Variants in PEBP4 observed in about 807,000 individuals in gnomAD.
PEBP4 encodes the protein phosphatidylethanolamine-binding protein 4.
PEBP4 carries 22 observed loss-of-function variants against 23.9 expected under a neutral mutation model. The ratio of observed to expected loss-of-function variants is 0.92; its 90% CI spans 0.66 to 1.31. The LOEUF is 1.31. PEBP4 is among the 40% of genes most tolerant of loss of function. The pLI is 0.00. For missense variants in PEBP4, 324 were observed against 281.7 expected (o/e 1.15, Z -1.07); for synonymous variants, 112 against 99.3 (o/e 1.13, Z -0.76).
chr8:22,738,306 G>C (rs534274766), intron 4 of PEBP4, among the ~76,000 whole-genome samples: 1 of 152,090 alleles, frequency 6.6e-6, no homozygotes, highest in African/African-American at 2.4e-5. Flanking sequence ...AGGCGGGCTC[G>C]GCTCAGGAGA....
intron 4 of PEBP4, among the ~76,000 whole-genome samples, chr8:22,792,716 G>A (rs1415809246): frequency 6.6e-6 from 1 of 152,088 alleles, no homozygotes; most frequent in Non-Finnish European, 1.5e-5. Context: ...GAAGGACCCT[G>A]GCCCTGCCCA....
chr8:22,808,685 C>G (rs1191943283), intron 4 of PEBP4, among the ~76,000 whole-genome samples: 2 of 152,146 alleles, frequency 1.3e-5, no homozygotes, highest in Non-Finnish European at 2.9e-5. Flanking sequence ...AGGGTGCTCC[C>G]AATTCCCACA....
intron 3 of PEBP4, among the ~76,000 whole-genome samples, chr8:22,912,532 C>T (rs764084007): frequency 1.3e-5 from 2 of 152,186 alleles, no homozygotes; most frequent in Non-Finnish European, 2.9e-5. Context: ...AGCTGCCATC[C>T]GGGGCTGGTT....
intron 4 of PEBP4, among the ~76,000 whole-genome samples, chr8:22,785,313 C>G (rs1435352666): frequency 6.6e-6 from 1 of 152,178 alleles, no homozygotes; most frequent in African/African-American, 2.4e-5. Context: ...GCTGCTGTGT[C>G]CTCAGTTAAA....
chr8:22,773,093 A>C (rs1021068466), intron 4 of PEBP4, among the ~76,000 whole-genome samples: 1 of 138,682 alleles, frequency 7.2e-6, no homozygotes, highest in Non-Finnish European at 1.5e-5. Flanking sequence ...TCTACCACCC[A>C]ACTGTACTAA....
At chr8:22,906,830 G>A (rs1360654132) in intron 3 of PEBP4, among the ~76,000 whole-genome samples, 1 of 152,192 alleles carries the variant, frequency 6.6e-6, no homozygotes, top group Non-Finnish European at 1.5e-5. Flanking sequence ...CTGCCCTCAT[G>A]GAGCTTACAT....
chr8:22,849,549 T>C (rs1365667533), intron 3 of PEBP4, among the ~76,000 whole-genome samples: 1 of 152,218 alleles, frequency 6.6e-6, no homozygotes, highest in African/African-American at 2.4e-5. Context: ...TCTTAGCACC[T>C]TCTGACCCAG....
chr8:22,897,523 G>A (rs1002776652), intron 3 of PEBP4, among the ~76,000 whole-genome samples: 18 of 152,116 alleles, frequency 1.2e-4, no homozygotes, highest in African/African-American at 3.9e-4. Context: ...AAATACCACC[G>A]AGTATTTTGC....
intron 5 of PEBP4, 97 bp downstream of exon 5, chr8:22,727,078 G>A (rs1804634007): frequency 4.4e-6 from 6 of 1,365,148 alleles, no homozygotes; most frequent in Non-Finnish European, 5.2e-6. Flanking sequence ...TCTCAGGCTG[G>A]TGCTAGCACA....
intron 4 of PEBP4, among the ~76,000 whole-genome samples, chr8:22,802,505 T>C (rs952410103): frequency 6.6e-6 from 1 of 152,248 alleles, no homozygotes; most frequent in Admixed American, 6.5e-5. Context: ...TGGTCTTCTG[T>C]GGTCTGTAGC....
At chr8:22,779,770 T>C (rs1386559102) in intron 4 of PEBP4, among the ~76,000 whole-genome samples, 8 of 152,208 alleles carry the variant, frequency 5.3e-5, no homozygotes, top group Admixed American at 5.2e-4. Flanking sequence ...TTCGAATATA[T>C]GCATATAGAA....
intron 3 of PEBP4, among the ~76,000 whole-genome samples, chr8:22,852,984 C>A (rs1807577368): frequency 6.6e-6 from 1 of 152,220 alleles, no homozygotes; most frequent in Non-Finnish European, 1.5e-5. Context: ...TCTTAGCCTG[C>A]AGCAATTACC....
chr8:22,923,911 T>A (rs1191350893), intron 2 of PEBP4, among the ~76,000 whole-genome samples: 1 of 152,170 alleles, frequency 6.6e-6, no homozygotes, highest in East Asian at 1.9e-4. Flanking sequence ...CCTCCAGAGT[T>A]GTGAGTAATA....
rs116940395 is a variant in PEBP4, at chr8:22,857,337, C to T, written c.259-39602G>A. On this transcript the variant is annotated intron_variant, in intron 3 of 6. Coordinates refer to ENST00000256404, the MANE Select transcript of PEBP4 (RefSeq NM_144962.3). ...TTACAGAGAAAGCATCTATACCATA[C>T]GGGGCTCCATCACCTACCAATGCTA... Among the ~76,000 whole-genome samples, 1,363 of 152,146 alleles carry T rather than the reference C, an allele frequency of 9.0e-3. 62 individuals carry two copies. The East Asian group carries it at 0.14, about 15-fold the overall frequency.
At chr8:22,752,431 A>T (rs938798845) in intron 4 of PEBP4, among the ~76,000 whole-genome samples, 2 of 152,230 alleles carry the variant, frequency 1.3e-5, no homozygotes, top group African/African-American at 4.8e-5. Context: ...GACCCTGTGG[A>T]AGCTCACTTT....
chr8:22,789,942 C>T (rs1563216901), intron 4 of PEBP4, among the ~76,000 whole-genome samples: 2 of 152,336 alleles, frequency 1.3e-5, no homozygotes, highest in East Asian at 3.9e-4. Flanking sequence ...CTTTCTGATG[C>T]AAGAGAGAGG....
intron 2 of PEBP4, among the ~76,000 whole-genome samples, chr8:22,921,674 G>C (rs1809204529): frequency 6.6e-6 from 1 of 152,252 alleles, no homozygotes; most frequent in South Asian, 2.1e-4. Flanking sequence ...GTGGAAGCCG[G>C]ATGAGTCATG....
intron 3 of PEBP4, among the ~76,000 whole-genome samples, chr8:22,871,045 A>G (rs977470564): frequency 6.6e-6 from 1 of 152,140 alleles, no homozygotes; most frequent in Non-Finnish European, 1.5e-5. Flanking sequence ...TCCTATTGCT[A>G]CGCCTGACCC....
intron 4 of PEBP4, among the ~76,000 whole-genome samples, chr8:22,793,753 G>T (rs918949507): frequency 6.6e-6 from 1 of 152,028 alleles, no homozygotes; most frequent in African/African-American, 2.4e-5. Context: ...TACATAACAC[G>T]CCCTGCCTTA....
Sources: allele counts gnomAD v4.1 joint callset (sites outside exome capture counted in the v4.1 genomes callset), GRCh38; gene constraint gnomAD v4.1.1; transcripts MANE v1.5; gene names NCBI Gene and HGNC (gene_info 2026-07-23, HGNC 2026-07-21).